Variants in FIP1L1 observed in about 807,000 individuals in gnomAD.
The protein encoded by FIP1L1 is factor interacting with PAPOLA and CPSF1.
A neutral mutation model predicts 84.6 loss-of-function variants in FIP1L1; 21 were observed. The ratio of observed to expected loss-of-function variants is 0.25; its 90% CI spans 0.18 to 0.36. The LOEUF is 0.36. Ranked by LOEUF, FIP1L1 falls within the 10% of genes least tolerant of loss-of-function variation. FIP1L1 has a pLI of 1.00. For missense variants in FIP1L1, 526 were observed against 751.1 expected (o/e 0.70, Z 3.50); for synonymous variants, 263 against 242.3 (o/e 1.09, Z -0.80).
At chr4:53,378,099 TC>T in intron 1 of FIP1L1, 176 bp downstream of exon 1, 1 of 525,530 alleles carries the variant, frequency 1.9e-6, no homozygotes, top group Non-Finnish European at 3.2e-6. Context: ...CGCGGCGGTC[TC>T]CCGCCTGGCC....
At chr4:53,382,933 G>A (rs1312055149) in intron 4 of FIP1L1, among the ~76,000 whole-genome samples, 3 of 151,920 alleles carry the variant, frequency 2.0e-5, no homozygotes, top group African/African-American at 7.3e-5. Flanking sequence ...TATAGAATTT[G>A]CATGTAGGGC....
At position 53,425,907 on chromosome 4, in the gene FIP1L1, C is replaced by G; in HGVS notation, c.959C>G (p.Thr320Ser). 6.2e-7 allele frequency: 1 copy of G among 1,611,720 alleles called. No homozygotes were observed. The highest frequency in any genetic ancestry group is 2.2e-5 in the East Asian group (1 of 44,736). The change falls in exon 12 of 18, where the codon ACT becomes AGT. Residue 320 changes from threonine (T) to serine (S), a missense_variant. By Grantham distance (58) the Thr-to-Ser change is moderately conservative (BLOSUM62 1). Transcript: ENST00000337488. ...LPGAIDVIGQ[T>S]ITISRVEGRR... Reference sequence around the variant, plus strand: ...GGGGCAATTGATGTTATCGGTCAGACTATAACTATCAGCCGAGTAGAAGGC... The same window carrying G: ...GGGGCAATTGATGTTATCGGTCAGAGTATAACTATCAGCCGAGTAGAAGGC...
chr4:53,460,455 A>ATAAC lies in FIP1L1; in HGVS notation c.*1008_*1011dup, dbSNP rs1386420586. ...TAGTATCACATACTAAAAGACAACT[A>ATAAC]TAACTTCTGAAAAATATTTATTCTT... On this transcript the variant is annotated 3_prime_UTR_variant, in exon 18 of 18. Transcript: ENST00000337488. The ATAAC allele has an allele frequency of 4.7e-5, 9 of 192,734 alleles. No individual in the cohort carries two copies. The highest frequency in any genetic ancestry group is 1.9e-4 in the South Asian group (1 of 5,260). 11.9% of individuals were successfully genotyped at this position (192,734 alleles called of 1,614,324 possible). A position where few individuals can be genotyped will look rare whatever the true frequency, so the allele number is the denominator to read the frequency against.
chr4:53,454,436 C>A (rs1467026155), intron 16 of FIP1L1, among the ~76,000 whole-genome samples: 1 of 152,194 alleles, frequency 6.6e-6, no homozygotes, highest in Non-Finnish European at 1.5e-5. Context: ...TGACACTTGA[C>A]TGTATACATA....
chr4:53,447,472 C>CAAGT (rs1233815270), intron 15 of FIP1L1, among the ~76,000 whole-genome samples: 1 of 152,084 alleles, frequency 6.6e-6, no homozygotes, highest in East Asian at 1.9e-4. Flanking sequence ...ATACTTCTTA[C>CAAGT]AATGTTTACA....
chr4:53,382,267 G>A lies in FIP1L1; in HGVS notation c.171-11G>A, dbSNP rs1738513758. The A allele has an allele frequency of 1.2e-6, 2 of 1,607,154 alleles. No homozygotes were observed. Among genetic ancestry groups the A allele is most frequent in the African/African-American group, 2.7e-5 (2 of 74,740 alleles). Reference sequence around the variant, plus strand: ...ATGCCTGACATGTATACTTACTTTTGTTGTTTGTAGTGCTAATCCTCCATC... The same window carrying A: ...ATGCCTGACATGTATACTTACTTTTATTGTTTGTAGTGCTAATCCTCCATC... On this transcript the variant is annotated splice_polypyrimidine_tract_variant and intron_variant, in intron 3 of 17. Coordinates refer to ENST00000337488, the MANE Select transcript of FIP1L1 (RefSeq NM_030917.4).
Position 53,459,606 on chromosome 4 carries a change from CATGTT to C in FIP1L1, c.*159_*163del. ...TTCCAAAATAAAAGAGTGAATTTTT[CATGTT>C]AAGTTAAAAATCTTTGTCTTGTACT... On this transcript the variant is annotated 3_prime_UTR_variant, in exon 18 of 18. Coordinates refer to ENST00000337488, the MANE Select transcript of FIP1L1 (RefSeq NM_030917.4). The C allele has an allele frequency of 2.0e-6, 2 of 1,015,524 alleles. No individual in the cohort carries two copies. The highest frequency in any genetic ancestry group is 4.7e-5 in the Admixed American group (2 of 42,398). The allele number at this position is 1,015,524 out of a possible 1,614,324, so 62.9% of individuals were successfully genotyped here. A position where few individuals can be genotyped will look rare whatever the true frequency, so the allele number is the denominator to read the frequency against.
intron 10 of FIP1L1, among the ~76,000 whole-genome samples, chr4:53,410,813 CTG>C (rs1756849178): frequency 1.3e-5 from 2 of 152,110 alleles, no homozygotes; most frequent in Admixed American, 1.3e-4. Context: ...TAATTTCTTA[CTG>C]TGTTTAATTA....
chr4:53,436,018 C>G (rs1769020008), intron 13 of FIP1L1, among the ~76,000 whole-genome samples: 1 of 152,124 alleles, frequency 6.6e-6, no homozygotes, highest in Non-Finnish European at 1.5e-5. Flanking sequence ...TCAAGTTTAT[C>G]TGTTTCTTAA....
intron 8 of FIP1L1, 70 bp downstream of exon 8, chr4:53,391,209 C>A: frequency 6.7e-7 from 1 of 1,498,702 alleles, no homozygotes; most frequent in Non-Finnish European, 9.0e-7. Context: ...AAATAAATCG[C>A]TTCCCTATAA....
chr4:53,408,339 T>A (rs1202547061), intron 10 of FIP1L1, among the ~76,000 whole-genome samples: 1 of 152,216 alleles, frequency 6.6e-6, no homozygotes, highest in East Asian at 1.9e-4. Flanking sequence ...CTCTTCTGGC[T>A]TGTAGAGTTT....
chr4:53,398,367 G>A (rs1339066949), intron 9 of FIP1L1, among the ~76,000 whole-genome samples: 1 of 152,170 alleles, frequency 6.6e-6, no homozygotes, highest in Non-Finnish European at 1.5e-5. Context: ...CATTATATGA[G>A]AGTATCAATT....
chr4:53,452,191 T>C (rs1716462763), intron 15 of FIP1L1, among the ~76,000 whole-genome samples: 4 of 152,140 alleles, frequency 2.6e-5, no homozygotes, highest in Admixed American at 2.6e-4. Context: ...ATGATAGACA[T>C]TCTTTTGGTA....
intron 13 of FIP1L1, among the ~76,000 whole-genome samples, chr4:53,434,989 C>T (rs561571680): frequency 1.9e-4 from 29 of 152,218 alleles, no homozygotes; most frequent in African/African-American, 7.0e-4. Context: ...TTTTATAATA[C>T]CATGAATTTT....
intron 13 of FIP1L1, among the ~76,000 whole-genome samples, chr4:53,432,434 CA>C (rs1339766241): frequency 9.0e-5 from 11 of 122,242 alleles, no homozygotes; most frequent in Non-Finnish European, 1.4e-4. Context: ...AGAAAGAAAA[CA>C]AATACTGGCT....
At chr4:53,417,818 C>G (rs1226865984) in intron 11 of FIP1L1, among the ~76,000 whole-genome samples, 1 of 78,674 alleles carries the variant, frequency 1.3e-5, no homozygotes, top group Non-Finnish European at 2.6e-5. Context: ...CTCTCTCTCT[C>G]TCAGGCTACT....
intron 9 of FIP1L1, among the ~76,000 whole-genome samples, chr4:53,396,500 G>A (rs975483307): frequency 6.6e-6 from 1 of 151,916 alleles, no homozygotes; most frequent in African/African-American, 2.4e-5. Context: ...CCACCTCCCG[G>A]GTTCAAGCAA....
At chr4:53,409,511 C>T (rs1440666496) in intron 10 of FIP1L1, among the ~76,000 whole-genome samples, 5 of 152,176 alleles carry the variant, frequency 3.3e-5, no homozygotes, top group Admixed American at 2.6e-4. Context: ...CTGGGAGAAC[C>T]ACTGCTCTCT....
intron 9 of FIP1L1, among the ~76,000 whole-genome samples, chr4:53,395,568 A>G (rs1746775083): frequency 6.6e-6 from 1 of 152,224 alleles, no homozygotes; most frequent in South Asian, 2.1e-4. Context: ...TTAATTAAAT[A>G]ATCATGCTAA....
Sources: gnomAD v4.1 joint callset for allele counts (sites outside exome capture counted in the v4.1 genomes callset) on GRCh38, gnomAD v4.1.1 for gene constraint, MANE v1.5 for transcripts, NCBI Gene and HGNC (gene_info 2026-07-23, HGNC 2026-07-21) for gene names.